SNAPC4: variants seen among roughly 807,000 people sequenced by gnomAD.
SNAPC4 encodes the protein small nuclear RNA activating complex polypeptide 4.
Under a neutral mutation model 151.3 loss-of-function variants are expected in SNAPC4, and 127 were observed. The observed-to-expected ratio is 0.84, with a 90% CI of 0.73 to 0.97. The LOEUF is 0.97. Ranked by LOEUF, SNAPC4 falls within the 50% of genes least tolerant of loss-of-function variation. SNAPC4 has a pLI of 0.00. For synonymous variants in SNAPC4, 1,002 were observed against 824.4 expected (o/e 1.22, Z -3.69); for missense variants, 2,186 against 1,935.0 (o/e 1.13, Z -2.43).
In SNAPC4 at chr9:136,395,585, G is replaced by T. The variant is rs754831529; in HGVS notation, c.345+18C>A. 1.9e-6 allele frequency: 3 copies of T among 1,601,576 alleles called. No homozygotes were observed. The highest frequency in any genetic ancestry group is 2.2e-5 in the East Asian group (1 of 44,686). On this transcript the variant is annotated intron_variant, in intron 4 of 23. Transcript: ENST00000684778. ...GGGTGGGGAGGTGTGGGCACCGGGG[G>T]GCCGAGGCCCATCCCACCTGCTGCT...
At chr9:136,391,086 G>A (rs1259365417) in intron 10 of SNAPC4, among the ~76,000 whole-genome samples, 8 of 152,184 alleles carry the variant, frequency 5.3e-5, no homozygotes, top group Admixed American at 3.3e-4. Context: ...CGCCAGCCTC[G>A]GCCTCCCAAA....
Position 136,382,328 on chromosome 9 carries a change from C to T in SNAPC4, c.1992G>A (p.Arg664=), listed in dbSNP as rs539867993. 3.7e-6 allele frequency: 6 copies of T among 1,613,070 alleles called. No homozygotes were observed. The highest frequency in any genetic ancestry group is 3.3e-5 in the South Asian group (3 of 91,082). Residue 664 remains arginine, a synonymous_variant, in exon 17 of 24, where the codon AGG becomes AGA. Coordinates refer to ENST00000684778, the MANE Select transcript of SNAPC4 (RefSeq NM_003086.4). ...GAEKQALEGG[R]RLLTVPVETV... is the part of the protein sequence containing the mutation. ...TCTCCACAGGCACTGTCAGCAGACGCCTCCCACCCTGATGAGAAAGCTGCC... is the reference window on the plus strand; with the variant it reads ...TCTCCACAGGCACTGTCAGCAGACGTCTCCCACCCTGATGAGAAAGCTGCC...
chr9:136,378,676 T>C lies in SNAPC4; in HGVS notation c.3151A>G (p.Thr1051Ala). Residue 1051 changes from threonine (T) to alanine (A), a missense_variant, in exon 22 of 24, where the codon ACC becomes GCC. Thr to Ala is a moderately conservative substitution (Grantham distance 58, BLOSUM62 0). Coordinates refer to ENST00000684778, the MANE Select transcript of SNAPC4 (RefSeq NM_003086.4). ...PPFLPAAPSP[T>A]PLPVQPLSLT... The stretch of plus-strand genomic sequence containing the variant: ...CTGAGGGGCTGGACGGGCAGTGGGG[T>C]GGGGCTGGGGGCTGCGGGGAGAAAG... 1.4e-6 allele frequency: 2 copies of C among 1,393,926 alleles called. No homozygotes were observed. The highest frequency in any genetic ancestry group is 1.9e-6 in the Non-Finnish European group (2 of 1,067,858). The allele number at this position is 1,393,926 out of a possible 1,614,324, so 86.3% of individuals were successfully genotyped here.
In SNAPC4 at chr9:136,384,638, G is replaced by C. The variant is rs887814903; in HGVS notation, c.1420+82C>G. On this transcript the variant is annotated intron_variant, in intron 14 of 23. Transcript: ENST00000684778. Reference sequence around the variant, plus strand: ...CACCCCAGCCTGGACGACAGAGCTTGCTCTGTCTTTATCTTGATCTCTTTT... The same window carrying C: ...CACCCCAGCCTGGACGACAGAGCTTCCTCTGTCTTTATCTTGATCTCTTTT... 5 of 723,696 alleles carry C rather than the reference G, an allele frequency of 6.9e-6. No individual in the cohort carries two copies. In the African/African-American group the frequency reaches 9.2e-5, roughly 13 times the overall value. 44.8% of individuals were successfully genotyped at this position (723,696 alleles called of 1,614,324 possible).
intron 13 of SNAPC4, among the ~76,000 whole-genome samples, chr9:136,386,520 C>T (rs947744692): frequency 6.6e-5 from 10 of 151,510 alleles, no homozygotes; most frequent in East Asian, 1.9e-4. Flanking sequence ...CTGCATCCTC[C>T]GCCTCCCAGT....
intron 23 of SNAPC4, 89 bp downstream of exon 23, chr9:136,376,260 G>T (rs1251765884): frequency 6.7e-7 from 1 of 1,498,658 alleles, no homozygotes; most frequent in East Asian, 2.3e-5. Context: ...GAGCGCCAAA[G>T]AGCCGAGCAG....
intron 5 of SNAPC4, 56 bp from the exon 6 acceptor site, chr9:136,394,934 C>T: frequency 6.8e-7 from 1 of 1,473,812 alleles, no homozygotes; most frequent in Non-Finnish European, 9.4e-7. Flanking sequence ...CCCTGCAGGC[C>T]CAGCACATCC....
At position 136,383,505 on chromosome 9, in the gene SNAPC4, C is replaced by A. The variant is rs1262748113; in HGVS notation, c.1664G>T (p.Gly555Val). 1.3e-6 allele frequency: 2 copies of A among 1,578,156 alleles called. No individual in the cohort carries two copies. Among genetic ancestry groups the A allele is most frequent in the East Asian group, 2.3e-5 (1 of 42,666 alleles). ...DEPEQAQAGEGDRALLSPQYM... is the reference protein window; with the variant it reads ...DEPEQAQAGEVDRALLSPQYM... ...CTGTGGGGACAGCAGCGCTCTGTCA[C>A]CCTCCCCGGCCTGCGCCTGCTCTGG... Residue 555 changes from glycine (G) to valine (V), a missense_variant, in exon 16 of 24, where the codon GGT (glycine) becomes GTT (valine). Physicochemically the swap from Gly to Val is moderately radical, Grantham distance 109 (BLOSUM62 -3). Transcript: ENST00000684778. The surrounding 1 kb of genome is among the most constrained non-coding windows in gnomAD (Gnocchi z 4.2).
intron 13 of SNAPC4, 105 bp downstream of exon 13, chr9:136,387,380 C>T (rs759896081): frequency 4.8e-6 from 4 of 840,098 alleles, no homozygotes; most frequent in East Asian, 2.4e-5. Context: ...CCCTCCCTCG[C>T]CCAGCGCTGG....
At chr9:136,388,742 G>A in intron 10 of SNAPC4, 151 bp from the exon 11 acceptor site, 2 of 819,688 alleles carry the variant, frequency 2.4e-6, no homozygotes, top group Non-Finnish European at 3.9e-6. Flanking sequence ...ACTCCTGTGG[G>A]CTGATGGAGA....
At chr9:136,396,064 T>A (rs1158607212) in intron 3 of SNAPC4, among the ~76,000 whole-genome samples, 2 of 152,238 alleles carry the variant, frequency 1.3e-5, no homozygotes, top group Non-Finnish European at 2.9e-5. Context: ...CAGGCAGCTT[T>A]CCAGGACCAC....
chr9:136,382,475 G>C, intron 16 of SNAPC4, 139 bp from the exon 17 acceptor site: 1 of 737,382 alleles, frequency 1.4e-6, no homozygotes, highest in Non-Finnish European at 2.3e-6. Context: ...TGCCTCATGG[G>C]AACGTCCACC....
intron 23 of SNAPC4, among the ~76,000 whole-genome samples, chr9:136,376,114 G>A (rs1833435325): frequency 6.6e-6 from 1 of 152,220 alleles, no homozygotes; most frequent in Non-Finnish European, 1.5e-5. Context: ...CAGGGAATGA[G>A]CCTATGGTCA....
chr9:136,398,709 G>A (rs1834356098), intron 1 of SNAPC4: 3 of 359,028 alleles, frequency 8.4e-6, no homozygotes, highest in African/African-American at 6.1e-5. Context: ...GCACAGGCAG[G>A]GAGTGGATGA....
In SNAPC4 at chr9:136,392,519, T is replaced by TA. The variant is rs1253850793; in HGVS notation, c.810+2dup. On this transcript the variant is annotated splice_region_variant and intron_variant, in intron 9 of 23. Coordinates refer to ENST00000684778, the MANE Select transcript of SNAPC4 (RefSeq NM_003086.4). Reference sequence around the variant, plus strand: ...TTGGGGCTCAGACCTGCCCCTGACTTACGTTAATATTGGAAATCTTCTCCC... The same window carrying TA: ...TTGGGGCTCAGACCTGCCCCTGACTTAACGTTAATATTGGAAATCTTCTCCC... 1 of 1,613,514 alleles carries TA rather than the reference T, an allele frequency of 6.2e-7. No individual in the cohort carries two copies. The highest frequency in any genetic ancestry group is 8.5e-7 in the Non-Finnish European group (1 of 1,179,936).
intron 10 of SNAPC4, among the ~76,000 whole-genome samples, chr9:136,390,081 A>ATC (rs1371109322): frequency 6.6e-6 from 1 of 152,192 alleles, no homozygotes; most frequent in Non-Finnish European, 1.5e-5. Flanking sequence ...CCAGCAAGAC[A>ATC]GAGTGGAAGG....
intron 4 of SNAPC4, 79 bp downstream of exon 4, chr9:136,395,524 C>G (rs1834237206): frequency 6.4e-7 from 1 of 1,566,844 alleles, no homozygotes; most frequent in African/African-American, 1.4e-5. Flanking sequence ...GCTGGGGAGC[C>G]CTGGACCTGG....
At chr9:136,387,649 A>C in intron 12 of SNAPC4, 70 bp from the exon 13 acceptor site, 1 of 1,399,662 alleles carries the variant, frequency 7.1e-7, no homozygotes, top group Non-Finnish European at 1.0e-6. Context: ...CCCTGAACCC[A>C]GTCAGAGAAG....
At chr9:136,376,515 G>A in intron 22 of SNAPC4, 34 bp from the exon 23 acceptor site, 2 of 1,610,710 alleles carry the variant, frequency 1.2e-6, no homozygotes, top group Non-Finnish European at 1.7e-6. Flanking sequence ...GGACAAGAGT[G>A]ACACCCCCGA....
Sources: gnomAD v4.1 joint callset for allele counts (sites outside exome capture counted in the v4.1 genomes callset) on GRCh38, gnomAD v4.1.1 for gene constraint, Gnocchi (gnomAD v3.1) non-coding constraint, MANE v1.5 for transcripts, NCBI Gene and HGNC (gene_info 2026-07-23, HGNC 2026-07-21) for gene names.